Variants in ZNF540 observed in about 807,000 individuals in gnomAD.
ZNF540 encodes zinc finger protein 540, also known as CTD-3064H18.6.
A neutral mutation model predicts 11.8 loss-of-function variants in ZNF540; 3 were observed. The observed-to-expected ratio is 0.25, with a 90% CI of 0.12 to 0.65. The LOEUF is 0.65. Ranked by LOEUF, ZNF540 falls within the 30% of genes least tolerant of loss-of-function variation. ZNF540 has a pLI of 0.83. For synonymous variants in ZNF540, 247 were observed against 259.0 expected (o/e 0.95, Z 0.45); for missense variants, 709 against 793.1 (o/e 0.89, Z 1.27).
chr19:37,583,859 T>C (rs2043563606), intron 1 of ZNF540: 5 of 1,111,534 alleles, frequency 4.5e-6, no homozygotes, highest in Non-Finnish European at 6.5e-6. Context: ...TGTCCATTTC[T>C]ACTTCTACTC....
chr19:37,590,450 A>G (rs1480856605), upstream of ZNF540, among the ~76,000 whole-genome samples: 1 of 152,024 alleles, frequency 6.6e-6, no homozygotes, highest in Non-Finnish European at 1.5e-5. Flanking sequence ...AGCTATAAGG[A>G]CAAAATTGTA....
intron 1 of ZNF540, chr19:37,562,323 A>T (rs1173162270): frequency 6.6e-6 from 1 of 152,030 alleles, no homozygotes; most frequent in Non-Finnish European, 1.5e-5. Flanking sequence ...GGAGGTTGCA[A>T]TGAGCCAAGA....
intron 1 of ZNF540, among the ~76,000 whole-genome samples, chr19:37,581,919 T>G (rs1164618608): frequency 6.6e-6 from 1 of 152,202 alleles, no homozygotes; most frequent in Non-Finnish European, 1.5e-5. Flanking sequence ...CTATACCTTT[T>G]GCTTTTCTTT....
chr19:37,577,906 G>GT (rs889501404), intron 1 of ZNF540, among the ~76,000 whole-genome samples: 5 of 152,196 alleles, frequency 3.3e-5, no homozygotes, highest in African/African-American at 1.2e-4. Flanking sequence ...AGACCGTACT[G>GT]TTTGGCAGCC....
At chr19:37,566,248 C>T (rs1444809385) in intron 1 of ZNF540, 1 of 1,613,318 alleles carries the variant, frequency 6.2e-7, no homozygotes, top group East Asian at 2.2e-5. Flanking sequence ...CATAAATTTC[C>T]TTTTCTGGAG....
intron 1 of ZNF540, among the ~76,000 whole-genome samples, chr19:37,561,553 C>A (rs975578194): frequency 2.6e-5 from 4 of 152,180 alleles, no homozygotes; most frequent in African/African-American, 9.7e-5. Context: ...TTCTTTACTG[C>A]AGGTCTTCTC....
chr19:37,563,697 T>C (rs1300361967), intron 1 of ZNF540: 1 of 151,932 alleles, frequency 6.6e-6, no homozygotes. Flanking sequence ...AATGTATACA[T>C]ATGTGGAATA....
rs1758452151 is a variant in ZNF540, at chr19:37,611,794, G to T, written c.514G>T (p.Asp172Tyr). Residue 172 changes from aspartate to tyrosine, a missense_variant, in exon 5 of 5, where the codon GAC becomes TAC. Coordinates refer to ENST00000316433, the MANE Select transcript of ZNF540 (RefSeq NM_001172225.3). ...AATTCACAATAGTGAGAAAAGCTGT[G>T]ACTCACACTTGGTTCAACATGGGAA... ...QRIHNSEKSC[D>Y]SHLVQHGKID... 2 of 1,613,936 alleles carry T rather than the reference G, an allele frequency of 1.2e-6. No individual in the cohort carries two copies. Among genetic ancestry groups the T allele is most frequent in the South Asian group, 2.2e-5 (2 of 91,046 alleles).
At chr19:37,571,803 G>A (rs927622331) in intron 1 of ZNF540, among the ~76,000 whole-genome samples, 1 of 152,128 alleles carries the variant, frequency 6.6e-6, no homozygotes, top group African/African-American at 2.4e-5. Context: ...TAGCCTAACT[G>A]ACCTAGCCTT....
At chr19:37,582,959 C>T (rs2043526469) in intron 1 of ZNF540, among the ~76,000 whole-genome samples, 1 of 152,198 alleles carries the variant, frequency 6.6e-6, no homozygotes, top group South Asian at 2.1e-4. Context: ...CCCTATCACA[C>T]TTAGAATAAA....
chr19:37,593,752 T>C (rs1252296524), upstream of ZNF540, among the ~76,000 whole-genome samples: 3 of 151,798 alleles, frequency 2.0e-5, no homozygotes, highest in East Asian at 5.8e-4. Flanking sequence ...AGGACTGCTG[T>C]ATCATTGGGT....
At chr19:37,602,749 A>C (rs2044049630) in intron 4 of ZNF540, among the ~76,000 whole-genome samples, 1 of 152,170 alleles carries the variant, frequency 6.6e-6, no homozygotes, top group Non-Finnish European at 1.5e-5. Flanking sequence ...GGAAGGGAGT[A>C]GTCATCTGTG....
At chr19:37,561,690 A>AT (rs1382132542) in intron 1 of ZNF540, among the ~76,000 whole-genome samples, 1 of 152,236 alleles carries the variant, frequency 6.6e-6, no homozygotes, top group Non-Finnish European at 1.5e-5. Flanking sequence ...TCTTGAACAT[A>AT]TTTTTGAAAA....
intron 1 of ZNF540, among the ~76,000 whole-genome samples, chr19:37,556,429 T>A (rs2042660186): frequency 6.6e-6 from 1 of 152,244 alleles, no homozygotes. Context: ...TTGGCCTTTT[T>A]GATGCGGGAG....
In ZNF540 at chr19:37,552,148, C is replaced by T. The variant is rs555425829; in HGVS notation, c.-73+483C>T. ...TCCAAATAGGTAATTTTTTACTTGT[C>T]CCATAGTTTACTTAAATGTGTGTTG... is the stretch of plus-strand genomic sequence containing the variant. On this transcript the variant is annotated intron_variant, in intron 1 of 4. Coordinates refer to the ZNF540 transcript ENST00000592533. 8.4e-4 allele frequency among the ~76,000 whole-genome samples: 128 copies of T among 152,056 alleles called. 1 individual carries two copies. The highest frequency in any genetic ancestry group is 1.5e-3 in the Non-Finnish European group (101 of 68,014).
chr19:37,602,641 A>T (rs2044048481), intron 4 of ZNF540, among the ~76,000 whole-genome samples: 1 of 152,162 alleles, frequency 6.6e-6, no homozygotes. Flanking sequence ...GGCCCAGGGC[A>T]CTCTATTCAG....
chr19:37,557,390 G>T (rs1245604595), intron 1 of ZNF540, among the ~76,000 whole-genome samples: 1 of 152,206 alleles, frequency 6.6e-6, no homozygotes, highest in Non-Finnish European at 1.5e-5. Context: ...CCATGTACAT[G>T]CACCGTAGCA....
chr19:37,611,380 A>T, intron 4 of ZNF540, 133 bp from the exon 5 acceptor site: 1 of 666,932 alleles, frequency 1.5e-6, no homozygotes, highest in African/African-American at 1.8e-5. Flanking sequence ...ATATAACTTT[A>T]TTGAAATATT....
chr19:37,613,091 A>C lies in ZNF540; in HGVS notation c.1811A>C (p.Glu604Ala). The change falls in exon 5 of 5, where the codon GAG becomes GCG. Residue 604 changes from glutamate to alanine, a missense_variant. Coordinates refer to ENST00000316433, the MANE Select transcript of ZNF540 (RefSeq NM_001172225.3). ...ATACATCAAAGAATTCATACTGGTGAGAAACCCTATGAGTGTAAACAATGT... is the reference window on the plus strand; with the variant it reads ...ATACATCAAAGAATTCATACTGGTGCGAAACCCTATGAGTGTAAACAATGT... ...LRIHQRIHTGEKPYECKQCGK... is the reference protein window; with the variant it reads ...LRIHQRIHTGAKPYECKQCGK... The C allele has an allele frequency of 6.2e-7, 1 of 1,613,792 alleles. No homozygotes were observed. The highest frequency in any genetic ancestry group is 8.5e-7 in the Non-Finnish European group (1 of 1,179,916).
Sources: allele counts gnomAD v4.1 joint callset (sites outside exome capture counted in the v4.1 genomes callset), GRCh38; gene constraint gnomAD v4.1.1; transcripts MANE v1.5; gene names NCBI Gene and HGNC (gene_info 2026-07-23, HGNC 2026-07-21).